FAM53A: variants seen among roughly 807,000 people sequenced by gnomAD.
The protein encoded by FAM53A is protein FAM53A.
A neutral mutation model predicts 26.6 loss-of-function variants in FAM53A; 28 were observed. The ratio of observed to expected loss-of-function variants is 1.05; its 90% CI spans 0.78 to 1.45. The LOEUF is 1.45. Ranked by LOEUF, FAM53A falls within the 40% of genes most tolerant of loss-of-function variation. The pLI is 0.00. For missense variants in FAM53A, 650 were observed against 575.8 expected (o/e 1.13, Z -1.32); for synonymous variants, 290 against 253.1 (o/e 1.15, Z -1.38).
chr4:1,668,628 G>A lies in FAM53A; in HGVS notation c.75+39C>T, dbSNP rs751073650. ...GGCCATTCCCCTGTGACAGCACGGG[G>A]GAGGGGCACCCAGCCTGGTGCCACC... On this transcript the variant is annotated intron_variant, in intron 2 of 4. Transcript: ENST00000308132. 4.3e-6 allele frequency: 7 copies of A among 1,611,368 alleles called. No homozygotes were observed. The South Asian group carries it at 7.7e-5, about 18-fold the overall frequency.
chr4:1,613,079 C>T (rs1714685585), downstream of FAM53A, among the ~76,000 whole-genome samples: 1 of 152,216 alleles, frequency 6.6e-6, no homozygotes, highest in African/African-American at 2.4e-5. Flanking sequence ...CCCAACCCGG[C>T]AGGGACAAGC....
intron 2 of FAM53A, among the ~76,000 whole-genome samples, chr4:1,664,007 A>G (rs1235704121): frequency 6.6e-6 from 1 of 152,132 alleles, no homozygotes; most frequent in African/African-American, 2.4e-5. Flanking sequence ...CAGCCTGGAC[A>G]CTCCGGGACA....
downstream of FAM53A, among the ~76,000 whole-genome samples, chr4:1,615,001 C>T (rs913818416): frequency 1.3e-5 from 2 of 152,176 alleles, no homozygotes; most frequent in Non-Finnish European, 2.9e-5. Flanking sequence ...ACGCAAACCA[C>T]AAAAAAGGAC....
At chr4:1,623,961 CCCTGGGGCATA>C (rs1315038732) in intron 1 of FAM53A, among the ~76,000 whole-genome samples, 1 of 151,926 alleles carries the variant, frequency 6.6e-6, no homozygotes, top group Non-Finnish European at 1.5e-5. Flanking sequence ...TCCCCCGGGA[CCCTGGGGCATA>C]CCTGAGGGCC....
At chr4:1,601,256 T>A in the FAM53A span, among the ~76,000 whole-genome samples, 4 of 45,014 alleles carry the variant, frequency 8.9e-5, 1 homozygote, top group Middle Eastern at 0.032. Flanking sequence ...GGGTCCCCCA[T>A]GCAGGAAAAA....
At chr4:1,624,205 G>C (rs377434307) in intron 1 of FAM53A, among the ~76,000 whole-genome samples, 1 of 152,236 alleles carries the variant, frequency 6.6e-6, no homozygotes, top group African/African-American at 2.4e-5. Flanking sequence ...TCAGGTCCCT[G>C]GGCCTCATCT....
At chr4:1,611,562 T>A in the FAM53A span, among the ~76,000 whole-genome samples, 14 of 152,226 alleles carry the variant, frequency 9.2e-5, no homozygotes, top group African/African-American at 3.4e-4. Context: ...AGGCCACATG[T>A]AGCCCCTGCT....
chr4:1,681,862 G>A (rs934318386), intron 1 of FAM53A, among the ~76,000 whole-genome samples: 7 of 152,102 alleles, frequency 4.6e-5, no homozygotes, highest in Non-Finnish European at 7.4e-5. Context: ...GTGAGAACAG[G>A]CTGCACCATA....
intron 4 of FAM53A, among the ~76,000 whole-genome samples, chr4:1,648,282 C>T (rs1712422355): frequency 6.6e-6 from 1 of 152,142 alleles, no homozygotes; most frequent in South Asian, 2.1e-4. Flanking sequence ...AAAGGTGCCA[C>T]ATATTCAGGT....
At chr4:1,658,267 G>A (rs895942654) in intron 2 of FAM53A, among the ~76,000 whole-genome samples, 3 of 151,948 alleles carry the variant, frequency 2.0e-5, no homozygotes, top group Non-Finnish European at 4.4e-5. Flanking sequence ...TGATCTTCCC[G>A]CCTCAGCCTC....
the FAM53A span, among the ~76,000 whole-genome samples, chr4:1,586,782 C>CAA: frequency 0.55 from 59,775 of 108,226 alleles, 15,697 homozygotes; most frequent in East Asian, 0.74. Flanking sequence ...GACTCCGTCT[C>CAA]AAAAAAAAAA....
chr4:1,626,142 GC>G (rs1560112235), intron 1 of FAM53A, among the ~76,000 whole-genome samples: 1 of 152,208 alleles, frequency 6.6e-6, no homozygotes, highest in Non-Finnish European at 1.5e-5. Context: ...TGACCCTGGT[GC>G]ATAGGGCTTT....
chr4:1,614,205 G>A (rs892911231), downstream of FAM53A, among the ~76,000 whole-genome samples: 15 of 152,280 alleles, frequency 9.9e-5, no homozygotes, highest in African/African-American at 3.6e-4. Context: ...CCATCCCAGA[G>A]GCCGGCTGTG....
At chr4:1,633,150 G>A (rs966768791) in intron 1 of FAM53A, among the ~76,000 whole-genome samples, 5 of 152,106 alleles carry the variant, frequency 3.3e-5, no homozygotes, top group African/African-American at 1.2e-4. Flanking sequence ...ATAGGTACAC[G>A]TGCTCACATG....
chr4:1,648,073 G>A (rs975828102), intron 4 of FAM53A, among the ~76,000 whole-genome samples: 28 of 152,210 alleles, frequency 1.8e-4, no homozygotes, highest in Non-Finnish European at 4.4e-5. Flanking sequence ...GCTGGGCACA[G>A]GAGTGTGCAC....
intron 2 of FAM53A, among the ~76,000 whole-genome samples, chr4:1,667,369 C>T (rs1471159329): frequency 6.6e-6 from 1 of 152,306 alleles, no homozygotes; most frequent in Non-Finnish European, 1.5e-5. Flanking sequence ...GCCAGCAAGG[C>T]ACTGAGACAT....
chr4:1,654,726 C>A (rs116133373), intron 4 of FAM53A, among the ~76,000 whole-genome samples: 1 of 152,234 alleles, frequency 6.6e-6, no homozygotes, highest in African/African-American at 2.4e-5. Flanking sequence ...CAAGCCTGGC[C>A]GGCCACCCTG....
At chr4:1,590,955 CATATATATATATATATAT>C in the FAM53A span, among the ~76,000 whole-genome samples, 335 of 46,306 alleles carry the variant, frequency 7.2e-3, 9 homozygotes, top group South Asian at 0.02. Context: ...TTATTTAATG[CATATATATATATATATAT>C]ATATATATAT....
the FAM53A span, among the ~76,000 whole-genome samples, chr4:1,577,382 G>A: frequency 6.6e-6 from 1 of 152,226 alleles, no homozygotes; most frequent in Admixed American, 6.5e-5. Context: ...GACCCCGCCA[G>A]CAGACGGAGC....
Sources: gnomAD v4.1 joint callset for allele counts (sites outside exome capture counted in the v4.1 genomes callset) on GRCh38, gnomAD v4.1.1 for gene constraint, MANE v1.5 for transcripts, NCBI Gene and HGNC (gene_info 2026-07-23, HGNC 2026-07-21) for gene names.